OPN5: variants seen among roughly 807,000 people sequenced by gnomAD.
OPN5 encodes the protein opsin-5.
A neutral mutation model predicts 41.7 loss-of-function variants in OPN5; 18 were observed. The observed-to-expected ratio is 0.43, with a 90% CI of 0.30 to 0.64. OPN5 has a LOEUF of 0.64. Ranked by LOEUF, OPN5 falls within the 30% of genes least tolerant of loss-of-function variation. The pLI, the probability that OPN5 is intolerant of heterozygous loss-of-function variation, is 0.13. For missense variants in OPN5, 318 were observed against 434.5 expected, an observed-to-expected ratio of 0.73 and a Z score of 2.38; for synonymous variants, 178 against 164.3, an observed-to-expected ratio of 1.08 and a Z score of -0.64.
chr6:47,825,932 T>C (rs1348626823), downstream of OPN5: 1 of 152,140 alleles, frequency 6.6e-6, no homozygotes, highest in Non-Finnish European at 1.5e-5. Context: ...GATTTACTTT[T>C]GCTCGAGTGG....
intron 2 of OPN5, among the ~76,000 whole-genome samples, chr6:47,787,792 T>TA (rs1773237476): frequency 6.6e-6 from 1 of 151,888 alleles, no homozygotes; most frequent in South Asian, 2.1e-4. Context: ...ACAAAACAAA[T>TA]AAAAAATAGC....
intron 4 of OPN5, among the ~76,000 whole-genome samples, chr6:47,796,989 C>T (rs9349434): frequency 0.056 from 8,516 of 152,250 alleles, 327 homozygotes; most frequent in East Asian, 0.11. Flanking sequence ...AGAGCATGTG[C>T]AGGGGAACTC....
intron 6 of OPN5, among the ~76,000 whole-genome samples, chr6:47,816,858 T>C (rs1302221787): frequency 6.6e-6 from 1 of 152,160 alleles, no homozygotes; most frequent in Non-Finnish European, 1.5e-5. Context: ...AAGGAAACTA[T>C]TGTTATCATC....
chr6:47,819,478 G>A (rs1408836303), intron 6 of OPN5, among the ~76,000 whole-genome samples: 5 of 116,474 alleles, frequency 4.3e-5, no homozygotes, highest in Non-Finnish European at 9.0e-5. Flanking sequence ...TTAGTGCCTC[G>A]GTTTCATTCA....
At position 47,795,167 on chromosome 6, in the gene OPN5, G is replaced by T. The variant is rs576790124; in HGVS notation, c.422-62G>T. The T allele has an allele frequency of 4.1e-6, 5 of 1,213,818 alleles. No individual in the cohort carries two copies. The South Asian group carries it at 6.1e-5, about 15-fold the overall frequency. The allele number at this position is 1,213,818 out of a possible 1,614,324, so 75.2% of individuals were successfully genotyped here. On this transcript the variant is annotated intron_variant, in intron 3 of 6. Transcript: ENST00000371211. The stretch of plus-strand genomic sequence containing the variant: ...CTTTGGAGGTGGAATTTGACATATC[G>T]AGGGGAGGTATCTGGGTGTAGGGCA...
At chr6:47,807,092 G>T (rs1048450770) in intron 4 of OPN5, among the ~76,000 whole-genome samples, 1 of 152,198 alleles carries the variant, frequency 6.6e-6, no homozygotes, top group African/African-American at 2.4e-5. Context: ...GGCAGGCAGA[G>T]GTTGCAGTGA....
intron 4 of OPN5, 107 bp downstream of exon 4, chr6:47,795,670 T>C: frequency 1.3e-6 from 1 of 747,166 alleles, no homozygotes. Flanking sequence ...ATCTCTATTC[T>C]TTACGTAATT....
chr6:47,792,110 T>C, intron 3 of OPN5, 138 bp downstream of exon 3: 1 of 635,974 alleles, frequency 1.6e-6, no homozygotes, highest in Non-Finnish European at 2.7e-6. Flanking sequence ...TTATAGCCTA[T>C]CATCTTGTTC....
At chr6:47,820,633 G>A (rs1477300159) in intron 6 of OPN5, among the ~76,000 whole-genome samples, 3 of 152,144 alleles carry the variant, frequency 2.0e-5, no homozygotes, top group Non-Finnish European at 4.4e-5. Context: ...CAGTTGTATG[G>A]GGGTGTGATA....
At chr6:47,799,856 C>T (rs912775038) in intron 4 of OPN5, among the ~76,000 whole-genome samples, 5 of 152,128 alleles carry the variant, frequency 3.3e-5, no homozygotes, top group Non-Finnish European at 7.4e-5. Context: ...AAAACTGGCT[C>T]TTATTTCCAT....
chr6:47,790,810 CT>C (rs1773346627), intron 2 of OPN5, among the ~76,000 whole-genome samples: 2 of 152,252 alleles, frequency 1.3e-5, no homozygotes, highest in Admixed American at 6.5e-5. Context: ...CTAATTAAGG[CT>C]TTCTCTGATA....
chr6:47,790,418 T>TG (rs1773334089), intron 2 of OPN5, among the ~76,000 whole-genome samples: 2 of 151,936 alleles, frequency 1.3e-5, no homozygotes, highest in South Asian at 4.1e-4. Flanking sequence ...TCTCTCTCTG[T>TG]GTCTCTCTCT....
chr6:47,806,918 G>C (rs1405517771), intron 4 of OPN5, among the ~76,000 whole-genome samples: 1 of 152,182 alleles, frequency 6.6e-6, no homozygotes, highest in Non-Finnish European at 1.5e-5. Context: ...AGCACTTTGG[G>C]AAGCCGAGGT....
At position 47,811,341 on chromosome 6, in the gene OPN5, A is replaced by G. The variant is rs186957709; in HGVS notation, c.999-333A>G. On this transcript the variant is annotated intron_variant, in intron 5 of 6. Transcript: ENST00000371211. ...TTGGCTTGCAATGCTGTCTTCATAA[A>G]GAACATTCCTTCAGTAGGTGAATCA... Among the ~76,000 whole-genome samples the G allele has an allele frequency of 2.6e-5, 4 of 152,242 alleles. No homozygotes were observed. The East Asian group carries it at 7.7e-4, about 29-fold the overall frequency.
At chr6:47,813,981 A>G (rs1762349447) in intron 6 of OPN5, among the ~76,000 whole-genome samples, 1 of 152,170 alleles carries the variant, frequency 6.6e-6, no homozygotes, top group Admixed American at 6.6e-5. Context: ...AGGTAAAGAT[A>G]TTCAAAACCG....
chr6:47,817,521 A>T (rs1762466668), intron 6 of OPN5, among the ~76,000 whole-genome samples: 2 of 152,062 alleles, frequency 1.3e-5, no homozygotes, highest in African/African-American at 2.4e-5. Flanking sequence ...AATCCTTGTT[A>T]CCCAAAATGT....
Position 47,823,982 on chromosome 6 carries a change from G to T in OPN5, c.1057-1G>T. 2 of 1,550,362 alleles carry T rather than the reference G, an allele frequency of 1.3e-6. No individual in the cohort carries two copies. The highest frequency in any genetic ancestry group is 2.4e-5 in the South Asian group (2 of 84,030). On this transcript the variant is annotated splice_acceptor_variant, in intron 6 of 6. Coordinates refer to ENST00000371211, the Ensembl canonical transcript of OPN5. LOFTEE classifies it high-confidence loss of function. ...AAAACTCAATTTTTTCTTCTCTACAGTGGGAATAACAAATGTTCTGGTTGT... is the reference window on the plus strand; with the variant it reads ...AAAACTCAATTTTTTCTTCTCTACATTGGGAATAACAAATGTTCTGGTTGT...
chr6:47,809,141 T>A (rs1308967671), intron 5 of OPN5, among the ~76,000 whole-genome samples: 3 of 152,196 alleles, frequency 2.0e-5, no homozygotes, highest in Non-Finnish European at 2.9e-5. Flanking sequence ...TTGGGGGTTA[T>A]TGGTGGTCTT....
intron 2 of OPN5, among the ~76,000 whole-genome samples, chr6:47,788,370 G>T (rs1050996131): frequency 2.0e-5 from 3 of 152,160 alleles, no homozygotes; most frequent in Non-Finnish European, 4.4e-5. Context: ...ATAATAGCAG[G>T]CTCATTGCTG....
Sources: allele counts gnomAD v4.1 joint callset (sites outside exome capture counted in the v4.1 genomes callset), GRCh38; gene constraint gnomAD v4.1.1; transcripts MANE v1.5; gene names NCBI Gene and HGNC (gene_info 2026-07-23, HGNC 2026-07-21).